Variants in LIPC observed in about 807,000 individuals in gnomAD.
LIPC encodes the protein lipase C, hepatic type, also known as hepatic triacylglycerol lipase.
In LIPC, 44 loss-of-function variants were observed where a neutral mutation model predicts 50.7. That is an observed-to-expected ratio of 0.87 (90% CI 0.68 to 1.11). The LOEUF (loss-of-function observed/expected upper bound fraction) is 1.11. Among genes scored for constraint, LIPC ranks in the 50% most tolerant of loss-of-function variants. LIPC has a pLI of 0.00. For synonymous variants in LIPC, 271 were observed against 256.4 expected, an observed-to-expected ratio of 1.06 and a Z score of -0.54; for missense variants, 697 against 648.2, an observed-to-expected ratio of 1.08 and a Z score of -0.82.
rs550226759 is a variant in LIPC at position 58,473,324 on chromosome 15, C to T, written c.88+41204C>T. On this transcript the variant is annotated intron_variant, in intron 1 of 8. Transcript: ENST00000299022. ...TTTTTGTCTAAAAATATGCCATTTC[C>T]GAAAGGAAAACAGTCATTAGAGGGT... Among the ~76,000 whole-genome samples the T allele has an allele frequency of 3.3e-5, 5 of 152,092 alleles. 1 individual carries two copies. The South Asian group carries it at 6.2e-4, about 19-fold the overall frequency.
chr15:58,526,778 A>G (rs1247915983), intron 1 of LIPC, among the ~76,000 whole-genome samples: 2 of 152,156 alleles, frequency 1.3e-5, no homozygotes, highest in Admixed American at 1.3e-4. Context: ...TTGAATGCCA[A>G]CCCCTGGACT....
intron 1 of LIPC, among the ~76,000 whole-genome samples, chr15:58,434,230 C>T (rs1265994764): frequency 6.6e-6 from 1 of 151,970 alleles, no homozygotes; most frequent in African/African-American, 2.4e-5. Context: ...GCTGAGAAAC[C>T]ATGATCTATG....
At chr15:58,513,824 T>A (rs571620304) in intron 1 of LIPC, among the ~76,000 whole-genome samples, 2 of 152,306 alleles carry the variant, frequency 1.3e-5, no homozygotes, top group East Asian at 3.9e-4. Context: ...ACCCCAGGAC[T>A]CCTCACCATG....
At chr15:58,558,059 T>A (rs1894019032) in intron 6 of LIPC, among the ~76,000 whole-genome samples, 1 of 127,160 alleles carries the variant, frequency 7.9e-6, no homozygotes, top group Non-Finnish European at 1.6e-5. Flanking sequence ...GACTTGCGCC[T>A]ATAGCTCTTT....
chr15:58,457,937 G>A (rs1296206233), intron 1 of LIPC, among the ~76,000 whole-genome samples: 1 of 152,116 alleles, frequency 6.6e-6, no homozygotes, highest in East Asian at 1.9e-4. Context: ...CATGCCGTGT[G>A]GTTAGTCTTA....
chr15:58,564,515 G>A (rs1412326148), intron 8 of LIPC, among the ~76,000 whole-genome samples: 1 of 151,326 alleles, frequency 6.6e-6, no homozygotes, highest in Non-Finnish European at 1.5e-5. Context: ...ATCACCTGAG[G>A]TCAGGAGTTC....
At chr15:58,448,870 C>G (rs1893797116) in intron 1 of LIPC, among the ~76,000 whole-genome samples, 1 of 152,134 alleles carries the variant, frequency 6.6e-6, no homozygotes, top group African/African-American at 2.4e-5. Context: ...AATGACAGAA[C>G]AGAGAGTGGG....
At position 58,560,932 on chromosome 15, in the gene LIPC, A is replaced by G. The variant is rs751512653; in HGVS notation, c.1120A>G (p.Met374Val). The G allele has an allele frequency of 4.5e-6, 7 of 1,571,926 alleles. No individual in the cohort carries two copies. The highest frequency in any genetic ancestry group is 3.3e-5 in the Admixed American group (2 of 59,956). ...GACACCAATACAAACAACTTTTACC[A>G]TGTCACTACTCGGAACAAAAGAGAA... ...TETPIQTTFT[M>V]SLLGTKEKMQ... Residue 374 changes from methionine (M) to valine (V), a missense_variant, in exon 7 of 9, where the codon ATG (methionine) becomes GTG (valine). Physicochemically the swap from Met to Val is conservative, Grantham distance 21. Transcript: ENST00000299022.
intron 1 of LIPC, chr15:58,474,023 T>A (rs1416510788): frequency 6.6e-6 from 1 of 152,262 alleles, no homozygotes; most frequent in Non-Finnish European, 1.5e-5. Context: ...ATCAGGTACA[T>A]GTGCCCACTC....
chr15:58,452,926 T>C lies in LIPC; in HGVS notation c.88+20806T>C, dbSNP rs116365823. On this transcript the variant is annotated intron_variant, in intron 1 of 8. Coordinates refer to ENST00000299022, the MANE Select transcript of LIPC (RefSeq NM_000236.3). The stretch of plus-strand genomic sequence containing the variant: ...ATCTGCTGCTGGTGGCCTTGGCCTG[T>C]GAAGATGTGGATGTGGTTTTCTGAG... Among the ~76,000 whole-genome samples, 618 of 152,326 alleles carry C rather than the reference T, an allele frequency of 4.1e-3. 4 individuals are homozygous for C. The highest frequency in any genetic ancestry group is 0.015 in the African/African-American group (603 of 41,564).
intron 1 of LIPC, among the ~76,000 whole-genome samples, chr15:58,445,135 G>A (rs992532299): frequency 1.3e-5 from 2 of 152,202 alleles, no homozygotes; most frequent in Non-Finnish European, 2.9e-5. Context: ...GCTGGGGAGA[G>A]GCATCCTCCC....
At chr15:58,433,537 G>C (rs763986664) in intron 1 of LIPC, among the ~76,000 whole-genome samples, 23 of 152,222 alleles carry the variant, frequency 1.5e-4, no homozygotes, top group Non-Finnish European at 3.2e-4. Flanking sequence ...TGGAGTTGAG[G>C]CTCATTCATT....
At chr15:58,500,764 C>G (rs1272490944) in intron 1 of LIPC, among the ~76,000 whole-genome samples, 4 of 148,392 alleles carry the variant, frequency 2.7e-5, no homozygotes, top group Non-Finnish European at 6.0e-5. Flanking sequence ...CCCACCACCC[C>G]CCTTCTCATC....
chr15:58,544,441 G>T (rs575841309), intron 4 of LIPC, among the ~76,000 whole-genome samples: 22 of 135,160 alleles, frequency 1.6e-4, no homozygotes, highest in Non-Finnish European at 3.0e-4. Context: ...TGTTGCCCAG[G>T]CTACAGGGCA....
At chr15:58,530,852 T>A (rs1177027707) in intron 1 of LIPC, among the ~76,000 whole-genome samples, 1 of 152,232 alleles carries the variant, frequency 6.6e-6, no homozygotes, top group African/African-American at 2.4e-5. Flanking sequence ...TGTTCCTTTT[T>A]CCTGCTGAGT....
intron 6 of LIPC, among the ~76,000 whole-genome samples, chr15:58,552,154 G>A (rs1457694754): frequency 6.6e-6 from 1 of 152,222 alleles, no homozygotes; most frequent in East Asian, 1.9e-4. Context: ...AGTCAGATGA[G>A]GTAACCGGGT....
rs137912306 is a variant in LIPC at position 58,462,808 on chromosome 15, G to A, written c.88+30688G>A. On this transcript the variant is annotated intron_variant, in intron 1 of 8. Coordinates refer to ENST00000299022, the MANE Select transcript of LIPC (RefSeq NM_000236.3). ...ATAAGGAACCCACTGGCTGAGCTCT[G>A]GCCTCTCGGCAGAGGGGGCAGGCCT... 1.7e-3 allele frequency among the ~76,000 whole-genome samples: 265 copies of A among 152,254 alleles called. 1 individual carries two copies. The highest frequency in any genetic ancestry group is 3.5e-3 in the Admixed American group (54 of 15,308).
intron 1 of LIPC, among the ~76,000 whole-genome samples, chr15:58,434,545 G>C (rs261334): frequency 0.73 from 111,117 of 152,160 alleles, 41,082 homozygotes; most frequent in Middle Eastern, 0.82. Context: ...GCAGTGCTCT[G>C]TGTCGAGCCC....
chr15:58,544,391 C>CTTTTTTTTTTTTTTTT (rs572161614), intron 4 of LIPC, among the ~76,000 whole-genome samples: 3 of 110,268 alleles, frequency 2.7e-5, no homozygotes, highest in Non-Finnish European at 3.7e-5. Context: ...TTCTTTTTCT[C>CTTTTTTTTTTTTTTTT]TTTCTTTTTT....
Sources: gnomAD v4.1 joint callset for allele counts (sites outside exome capture counted in the v4.1 genomes callset) on GRCh38, gnomAD v4.1.1 for gene constraint, MANE v1.5 for transcripts, NCBI Gene and HGNC (gene_info 2026-07-23, HGNC 2026-07-21) for gene names.